CAST: variants seen among roughly 807,000 people sequenced by gnomAD.
CAST encodes calpastatin.
A neutral mutation model predicts 119.6 loss-of-function variants in CAST; 76 were observed. The ratio of observed to expected loss-of-function variants is 0.64; its 90% CI spans 0.53 to 0.77. The LOEUF is 0.77. Ranked by LOEUF, CAST falls within the 30% of genes least tolerant of loss-of-function variation. CAST has a pLI of 0.00. For synonymous variants in CAST, 319 were observed against 331.6 expected (o/e 0.96, Z 0.41); for missense variants, 953 against 946.5 (o/e 1.01, Z -0.09).
chr5:96,580,655 G>A (rs1421738644), intron 1 of CAST, among the ~76,000 whole-genome samples: 1 of 152,186 alleles, frequency 6.6e-6, no homozygotes, highest in Non-Finnish European at 1.5e-5. Flanking sequence ...ATTACATTTG[G>A]AGTAGCAAGG....
At chr5:96,538,154 G>A (rs1413502544) in intron 1 of CAST, among the ~76,000 whole-genome samples, 1 of 152,180 alleles carries the variant, frequency 6.6e-6, no homozygotes, top group Non-Finnish European at 1.5e-5. Context: ...GTCACCTGGT[G>A]TCCTTCAAGC....
the CAST span, among the ~76,000 whole-genome samples, chr5:96,497,943 A>G: frequency 1.6e-4 from 25 of 152,194 alleles, no homozygotes; most frequent in African/African-American, 5.8e-4. Context: ...GCCCATGCAT[A>G]TGTCCTGAAT....
intron 9 of CAST, among the ~76,000 whole-genome samples, chr5:96,732,219 A>C (rs1390929573): frequency 7.1e-6 from 1 of 140,408 alleles, no homozygotes; most frequent in Non-Finnish European, 1.5e-5. Flanking sequence ...ATGGTATCTC[A>C]TTGTGGTTTT....
intron 22 of CAST, chr5:96,754,958 T>C (rs775770265): frequency 2.8e-6 from 1 of 355,704 alleles, no homozygotes; most frequent in Non-Finnish European, 5.2e-6. Context: ...AGAAATCTAA[T>C]GTCTAAGCTA....
intron 1 of CAST, among the ~76,000 whole-genome samples, chr5:96,558,175 A>G (rs1022777252): frequency 5.9e-5 from 9 of 152,236 alleles, no homozygotes; most frequent in African/African-American, 2.2e-4. Context: ...AAGACACAAC[A>G]TATCAGAATC....
At chr5:96,573,428 C>T (rs1746606587) in intron 1 of CAST, among the ~76,000 whole-genome samples, 2 of 151,858 alleles carry the variant, frequency 1.3e-5, no homozygotes, top group South Asian at 4.2e-4. Context: ...TTCAGGAGTT[C>T]GAGACCAGCC....
intron 1 of CAST, among the ~76,000 whole-genome samples, chr5:96,590,028 C>G (rs1015387873): frequency 2.0e-5 from 3 of 152,184 alleles, no homozygotes; most frequent in African/African-American, 7.2e-5. Flanking sequence ...AGAGCACTTA[C>G]AATTTGAAAC....
intron 2 of CAST, among the ~76,000 whole-genome samples, chr5:96,681,855 G>T (rs949293298): frequency 1.3e-5 from 2 of 150,928 alleles, no homozygotes; most frequent in South Asian, 4.2e-4. Context: ...CTCTTGTTTC[G>T]GTTTCCCTTG....
intron 9 of CAST, among the ~76,000 whole-genome samples, chr5:96,732,229 T>G (rs1760684684): frequency 7.1e-6 from 1 of 141,212 alleles, no homozygotes; most frequent in African/African-American, 2.7e-5. Context: ...ATTGTGGTTT[T>G]GATTTGCATT....
At chr5:96,126,156 G>T in the CAST span, among the ~76,000 whole-genome samples, 1 of 152,086 alleles carries the variant, frequency 6.6e-6, no homozygotes, top group African/African-American at 2.4e-5. Context: ...ATGAAGGAAA[G>T]GTTCCTTTGG....
the CAST span, among the ~76,000 whole-genome samples, chr5:96,023,282 A>T: frequency 7.9e-5 from 12 of 152,236 alleles, no homozygotes; most frequent in Admixed American, 3.9e-4. Flanking sequence ...AGATGATTTT[A>T]TGATGGCTCT....
chr5:96,119,452 C>T, the CAST span, among the ~76,000 whole-genome samples: 1 of 152,066 alleles, frequency 6.6e-6, no homozygotes, highest in Non-Finnish European at 1.5e-5. Flanking sequence ...ATGTGCATTC[C>T]TAAGTGGCAA....
the CAST span, among the ~76,000 whole-genome samples, chr5:96,124,012 AT>A: frequency 1.4e-4 from 22 of 152,264 alleles, no homozygotes; most frequent in South Asian, 4.6e-3. Context: ...TGTCAAAAAG[AT>A]GGTCAATATT....
chr5:96,662,623 G>C (rs2150213776), intron 1 of CAST, 126 bp downstream of exon 1: 2 of 1,218,856 alleles, frequency 1.6e-6, no homozygotes, highest in Non-Finnish European at 2.1e-6. Context: ...CCGCGGGGCA[G>C]GGAGAGGGCT....
intron 6 of CAST, 87 bp downstream of exon 6, chr5:96,727,617 A>T: frequency 1.2e-6 from 1 of 818,900 alleles, no homozygotes; most frequent in Non-Finnish European, 2.0e-6. Context: ...ACAGCTGTGA[A>T]TGGTAAAGGG....
the CAST span, among the ~76,000 whole-genome samples, chr5:96,507,217 G>A: frequency 6.6e-6 from 1 of 152,000 alleles, no homozygotes; most frequent in South Asian, 2.1e-4. Flanking sequence ...TTCACGTCGG[G>A]GAGAAGAGGT....
At chr5:96,255,134 G>A in the CAST span, among the ~76,000 whole-genome samples, 1 of 152,122 alleles carries the variant, frequency 6.6e-6, no homozygotes, top group African/African-American at 2.4e-5. Context: ...GGGAAGAAGG[G>A]AGGCAAAGAA....
upstream of CAST, chr5:96,662,261 C>G (rs1057211061): frequency 4.1e-5 from 36 of 884,622 alleles, no homozygotes; most frequent in Non-Finnish European, 5.2e-5. Context: ...AGGGGAACCC[C>G]GGCGCAGACC....
the CAST span, among the ~76,000 whole-genome samples, chr5:96,135,942 T>C: frequency 6.6e-6 from 1 of 151,974 alleles, no homozygotes; most frequent in Non-Finnish European, 1.5e-5. Flanking sequence ...ACACCTGTAG[T>C]CCCAGCTACT....
Sources: allele counts gnomAD v4.1 joint callset (sites outside exome capture counted in the v4.1 genomes callset), GRCh38; gene constraint gnomAD v4.1.1; transcripts MANE v1.5; gene names NCBI Gene and HGNC (gene_info 2026-07-23, HGNC 2026-07-21).